HDAC9: variants seen among roughly 807,000 people sequenced by gnomAD.
HDAC9 encodes MEF-2 interacting transcription repressor (MITR) protein.
In HDAC9, 41 loss-of-function variants were observed where a neutral mutation model predicts 139.4. The observed-to-expected ratio is 0.29, with a 90% confidence interval of 0.23 to 0.38. HDAC9 has a LOEUF of 0.38. Ranked by LOEUF, HDAC9 falls within the 10% of genes least tolerant of loss-of-function variation. The probability of loss-of-function intolerance (pLI) is 1.00; values close to 1 mark genes in which losing one functional copy is unlikely to be tolerated. For synonymous variants in HDAC9, 517 were observed against 476.2 expected, an observed-to-expected ratio of 1.09 and a Z score of -1.12; for missense variants, 1,147 against 1,297.0, an observed-to-expected ratio of 0.88 and a Z score of 1.78.
chr7:18,318,649 A>G (rs1262087983), intron 1 of HDAC9, among the ~76,000 whole-genome samples: 1 of 152,226 alleles, frequency 6.6e-6, no homozygotes, highest in South Asian at 2.1e-4. Context: ...AGCATTAACT[A>G]CTGATGATGA....
At chr7:18,104,503 G>A (rs1265719983) in intron 1 of HDAC9, among the ~76,000 whole-genome samples, 1 of 152,002 alleles carries the variant, frequency 6.6e-6, no homozygotes, top group Non-Finnish European at 1.5e-5. Context: ...AACAAGGGTT[G>A]GGAAAAGAGA....
At chr7:18,091,162 A>G (rs1162984148) in intron 1 of HDAC9, among the ~76,000 whole-genome samples, 3 of 152,190 alleles carry the variant, frequency 2.0e-5, no homozygotes, top group Non-Finnish European at 4.4e-5. Context: ...CATTCCCTAA[A>G]TTACAAATGG....
chr7:18,482,777 T>C (rs1009597849), intron 1 of HDAC9, among the ~76,000 whole-genome samples: 2 of 152,210 alleles, frequency 1.3e-5, no homozygotes, highest in Non-Finnish European at 2.9e-5. Flanking sequence ...TGCCTGGCTC[T>C]ACAGCTCATG....
intron 1 of HDAC9, among the ~76,000 whole-genome samples, chr7:18,152,176 G>C (rs1786830270): frequency 6.6e-6 from 1 of 151,886 alleles, no homozygotes; most frequent in Admixed American, 6.6e-5. Context: ...TTGTAACACA[G>C]AGGCCCTGAA....
chr7:18,903,559 C>T (rs775449643), intron 22 of HDAC9, among the ~76,000 whole-genome samples: 2 of 152,184 alleles, frequency 1.3e-5, no homozygotes, highest in Admixed American at 1.3e-4. Flanking sequence ...TTTTTACCAT[C>T]GTTTCACTGG....
intron 6 of HDAC9, among the ~76,000 whole-genome samples, chr7:18,616,394 C>G (rs1185701602): frequency 1.3e-5 from 2 of 152,094 alleles, no homozygotes; most frequent in African/African-American, 4.8e-5. Flanking sequence ...ATGCCTTTAT[C>G]CGGGCAGTCA....
At chr7:18,597,202 T>C (rs914950867) in intron 6 of HDAC9, among the ~76,000 whole-genome samples, 2 of 152,182 alleles carry the variant, frequency 1.3e-5, no homozygotes, top group Non-Finnish European at 1.5e-5. Flanking sequence ...CACTTTTCTT[T>C]AAAATGTAAG....
At chr7:18,649,920 T>A (rs1432779519) in intron 11 of HDAC9, among the ~76,000 whole-genome samples, 1 of 152,170 alleles carries the variant, frequency 6.6e-6, no homozygotes, top group African/African-American at 2.4e-5. Flanking sequence ...ACTCTCTCTC[T>A]AACCTTTTAG....
intron 12 of HDAC9, among the ~76,000 whole-genome samples, chr7:18,725,184 A>G (rs560469997): frequency 1.3e-5 from 2 of 151,824 alleles, no homozygotes; most frequent in South Asian, 2.1e-4. Context: ...TAATTTCTTA[A>G]TCAGAAAAAA....
chr7:18,902,654 A>G (rs546397040), intron 22 of HDAC9, among the ~76,000 whole-genome samples: 4 of 152,364 alleles, frequency 2.6e-5, no homozygotes, highest in Non-Finnish European at 4.4e-5. Context: ...GAACTGCATC[A>G]CTGAAATAAA....
chr7:18,669,792 A>G (rs186104997), intron 12 of HDAC9, among the ~76,000 whole-genome samples: 10 of 151,996 alleles, frequency 6.6e-5, no homozygotes, highest in Admixed American at 2.6e-4. Context: ...TCATTAGAAA[A>G]AATAGTTATT....
At chr7:18,667,007 C>T (rs944954386) in intron 12 of HDAC9, 2 of 985,292 alleles carry the variant, frequency 2.0e-6, no homozygotes, top group African/African-American at 1.7e-5. Context: ...CTTCCTTCCT[C>T]TCTCTTTTTT....
intron 2 of HDAC9, among the ~76,000 whole-genome samples, chr7:18,531,456 A>T (rs1808902703): frequency 6.6e-6 from 1 of 152,126 alleles, no homozygotes; most frequent in Admixed American, 6.5e-5. Context: ...CTTTCCTGTG[A>T]TGTGCTAATA....
At chr7:18,654,276 T>G (rs992165478) in intron 11 of HDAC9, among the ~76,000 whole-genome samples, 3 of 152,172 alleles carry the variant, frequency 2.0e-5, no homozygotes, top group Non-Finnish European at 4.4e-5. Context: ...TACCCACTTT[T>G]GACTTTTTGC....
intron 1 of HDAC9, among the ~76,000 whole-genome samples, chr7:18,472,429 G>A (rs1331099491): frequency 2.0e-5 from 3 of 152,030 alleles, no homozygotes; most frequent in Non-Finnish European, 4.4e-5. Context: ...TCCCACATGC[G>A]CAACCCCCGG....
At chr7:18,472,143 T>A (rs369569965) in intron 1 of HDAC9, among the ~76,000 whole-genome samples, 3 of 152,204 alleles carry the variant, frequency 2.0e-5, no homozygotes, top group South Asian at 2.1e-4. Context: ...AGATTTGATT[T>A]TGAGTCCTGT....
intron 2 of HDAC9, among the ~76,000 whole-genome samples, chr7:18,198,472 G>A (rs543630433): frequency 1.3e-5 from 2 of 152,178 alleles, no homozygotes; most frequent in East Asian, 3.9e-4. Flanking sequence ...GGCTCAAATG[G>A]TCCTGTGTTT....
intron 2 of HDAC9, among the ~76,000 whole-genome samples, chr7:18,253,402 G>T (rs1316397285): frequency 6.6e-6 from 1 of 152,074 alleles, no homozygotes; most frequent in Non-Finnish European, 1.5e-5. Flanking sequence ...TCTCCAAAAC[G>T]TTGCCAACAC....
At chr7:18,897,389 T>TTTC (rs1801299818) in intron 22 of HDAC9, among the ~76,000 whole-genome samples, 1 of 151,962 alleles carries the variant, frequency 6.6e-6, no homozygotes, top group East Asian at 1.9e-4. Flanking sequence ...CTCTAGGACT[T>TTTC]TATAACTTTT....
Sources: allele counts gnomAD v4.1 joint callset (sites outside exome capture counted in the v4.1 genomes callset), GRCh38; gene constraint gnomAD v4.1.1; transcripts MANE v1.5; gene names NCBI Gene and HGNC (gene_info 2026-07-23, HGNC 2026-07-21).